Variants in LRRC7 observed in about 807,000 individuals in gnomAD.
The protein encoded by LRRC7 is leucine-rich repeat-containing protein 7.
A neutral mutation model predicts 175.7 loss-of-function variants in LRRC7; 23 were observed. The ratio of observed to expected loss-of-function variants is 0.13; its 90% CI spans 0.09 to 0.19. LRRC7 has a LOEUF of 0.19. Among genes scored for constraint, LRRC7 ranks in the 10% least tolerant of loss-of-function variants. The pLI, the probability that LRRC7 is intolerant of heterozygous loss-of-function variation, is 1.00. For missense variants in LRRC7, 1,354 were observed against 1,904.7 expected (o/e 0.71, Z 5.38); for synonymous variants, 685 against 680.9 (o/e 1.01, Z -0.09).
At chr1:69,586,749 A>G (rs1304143907) in intron 1 of LRRC7, among the ~76,000 whole-genome samples, 1 of 152,210 alleles carries the variant, frequency 6.6e-6, no homozygotes, top group Non-Finnish European at 1.5e-5. Context: ...ACCAAAGTTT[A>G]TTCTAGGCAT....
intron 5 of LRRC7, among the ~76,000 whole-genome samples, chr1:69,827,076 A>AG: frequency 6.6e-6 from 1 of 152,142 alleles, no homozygotes; most frequent in East Asian, 1.9e-4. Flanking sequence ...GTAAATAGGG[A>AG]GGGAAAAAAA....
chr1:70,029,713 T>G (rs1296324514), intron 18 of LRRC7, among the ~76,000 whole-genome samples: 1 of 152,160 alleles, frequency 6.6e-6, no homozygotes, highest in Non-Finnish European at 1.5e-5. Flanking sequence ...TATCCTGTAA[T>G]CACAGTTTAA....
At chr1:69,958,610 T>C (rs1016415389) in intron 8 of LRRC7, among the ~76,000 whole-genome samples, 1 of 151,996 alleles carries the variant, frequency 6.6e-6, no homozygotes, top group Non-Finnish European at 1.5e-5. Flanking sequence ...AGTCCAGATC[T>C]AGAGTTCCTG....
At chr1:69,899,746 T>G (rs951925717) in intron 7 of LRRC7, among the ~76,000 whole-genome samples, 1 of 152,226 alleles carries the variant, frequency 6.6e-6, no homozygotes, top group African/African-American at 2.4e-5. Flanking sequence ...CTGTAAGGAC[T>G]GCTCCCTCCT....
In LRRC7 at chr1:70,082,781, A is replaced by ATCTTTTTTTTTTTTTTTT. The variant is rs1553201466; in HGVS notation, c.4452+6484_4452+6485insCTTTTTTTTTTTTTTTTT. Among the ~76,000 whole-genome samples, 455 of 52,302 alleles carry ATCTTTTTTTTTTTTTTTT rather than the reference A, an allele frequency of 8.7e-3. 183 individuals carry two copies. The highest frequency in any genetic ancestry group is 0.014 in the East Asian group (20 of 1,408). The allele number at this position is 52,302 out of a possible 152,430, so 34.3% of individuals were successfully genotyped here. A position where few individuals can be genotyped will look rare whatever the true frequency, so the allele number is the denominator to read the frequency against. On this transcript the variant is annotated intron_variant, in intron 24 of 26. Coordinates refer to ENST00000651989, the MANE Select transcript of LRRC7 (RefSeq NM_001370785.2). Reference sequence around the variant, plus strand: ...TATTAGTCAATCTTGATACCAGTACATTTTTTTTTTTTTTTTTTTTTTTTT... The same window carrying ATCTTTTTTTTTTTTTTTT: ...TATTAGTCAATCTTGATACCAGTACATCTTTTTTTTTTTTTTTTTTTTTTTTTTTTTTTTTTTTTTTTT...
chr1:69,924,230 G>A (rs1244071619), intron 7 of LRRC7, among the ~76,000 whole-genome samples: 1 of 152,118 alleles, frequency 6.6e-6, no homozygotes, highest in Non-Finnish European at 1.5e-5. Flanking sequence ...TTGAAGTCAG[G>A]TAGCATGATG....
intron 1 of LRRC7, 54 bp downstream of exon 1, chr1:69,568,695 G>C: frequency 7.8e-7 from 1 of 1,288,060 alleles, no homozygotes; most frequent in African/African-American, 1.6e-5. Context: ...GCCCGGCCGC[G>C]GCGACCGTAG....
intron 3 of LRRC7, among the ~76,000 whole-genome samples, chr1:69,780,394 C>T (rs1673349861): frequency 6.6e-6 from 1 of 152,034 alleles, no homozygotes; most frequent in Admixed American, 6.6e-5. Context: ...CTTTGTTATT[C>T]ATCTTTGAAT....
rs1441555163 is a variant in LRRC7, at chr1:69,781,700, AAAG to A, written c.304-10340_304-10338del. On this transcript the variant is annotated intron_variant, in intron 3 of 26. Coordinates refer to ENST00000651989, the MANE Select transcript of LRRC7 (RefSeq NM_001370785.2). ...GTCTCAAAAAAAAGAAGAAAGAAAG[AAAG>A]AAAGAAAGAAAGAAAGAAAGAAAGA... 1.8e-3 allele frequency among the ~76,000 whole-genome samples: 42 copies of A among 23,684 alleles called. 1 individual carries two copies. The highest frequency in any genetic ancestry group is 3.0e-3 in the South Asian group (2 of 660). The allele number at this position is 23,684 out of a possible 152,430, so 15.5% of individuals were successfully genotyped here.
At chr1:69,680,148 A>T (rs1660293061) in intron 2 of LRRC7, among the ~76,000 whole-genome samples, 1 of 152,100 alleles carries the variant, frequency 6.6e-6, no homozygotes, top group African/African-American at 2.4e-5. Flanking sequence ...GAACTTGTTA[A>T]AAATGCAAAT....
chr1:70,021,232 A>C lies in LRRC7; in HGVS notation c.1545+103A>C, dbSNP rs116298337. ...TGGGACAAAGTCAGATACTTCTTCA[A>C]GTCTCATGGCGGTACCTTTCATTAC... On this transcript the variant is annotated intron_variant, in intron 16 of 26. Coordinates refer to ENST00000651989, the MANE Select transcript of LRRC7 (RefSeq NM_001370785.2). The C allele has an allele frequency of 1.8e-3, 1,977 of 1,125,690 alleles. 18 individuals are homozygous for C. In the African/African-American group the frequency reaches 0.024, roughly 14 times the overall value. 69.7% of individuals were successfully genotyped at this position (1,125,690 alleles called of 1,614,324 possible). A position where few individuals can be genotyped will look rare whatever the true frequency, so the allele number is the denominator to read the frequency against.
chr1:69,652,164 C>T (rs1384089427), intron 1 of LRRC7, among the ~76,000 whole-genome samples: 7 of 151,962 alleles, frequency 4.6e-5, no homozygotes, highest in African/African-American at 1.7e-4. Flanking sequence ...AACAATTAGG[C>T]AAGAAAAAGA....
At chr1:69,887,690 C>T (rs12753653) in intron 7 of LRRC7, among the ~76,000 whole-genome samples, 61,290 of 149,020 alleles carry the variant, frequency 0.41, 13,084 homozygotes, top group East Asian at 0.53. Flanking sequence ...GGAGGAGAGG[C>T]ACTCTGTGTT....
intron 9 of LRRC7, among the ~76,000 whole-genome samples, chr1:69,982,871 A>G (rs1371000303): frequency 6.6e-6 from 1 of 152,198 alleles, no homozygotes; most frequent in African/African-American, 2.4e-5. Flanking sequence ...TTATGCCTTT[A>G]CAGTCCTCAG....
chr1:70,080,544 C>T (rs1332155094), intron 24 of LRRC7, among the ~76,000 whole-genome samples: 1 of 152,102 alleles, frequency 6.6e-6, no homozygotes, highest in Non-Finnish European at 1.5e-5. Context: ...CTTATTTTCA[C>T]GTTTATTTTT....
intron 5 of LRRC7, among the ~76,000 whole-genome samples, chr1:69,827,446 A>G (rs1338879632): frequency 1.3e-5 from 2 of 152,230 alleles, no homozygotes; most frequent in African/African-American, 2.4e-5. Context: ...AAAATGCATA[A>G]CACTGTAAAC....
intron 1 of LRRC7, among the ~76,000 whole-genome samples, chr1:69,581,364 G>C (rs564593111): frequency 1.5e-4 from 23 of 152,298 alleles, no homozygotes; most frequent in African/African-American, 5.3e-4. Flanking sequence ...GAAATGGAAA[G>C]AGATAGATGA....
At chr1:69,823,728 T>C (rs1679571151) in intron 4 of LRRC7, among the ~76,000 whole-genome samples, 1 of 152,160 alleles carries the variant, frequency 6.6e-6, no homozygotes, top group South Asian at 2.1e-4. Flanking sequence ...TTGACTTACA[T>C]CCTCTGATTC....
intron 8 of LRRC7, among the ~76,000 whole-genome samples, chr1:69,942,717 T>G (rs944237317): frequency 1.3e-5 from 2 of 152,084 alleles, no homozygotes; most frequent in African/African-American, 4.8e-5. Flanking sequence ...GTAATTACAC[T>G]GGGCCCCCTC....
Sources: allele counts gnomAD v4.1 joint callset (sites outside exome capture counted in the v4.1 genomes callset), GRCh38; gene constraint gnomAD v4.1.1; transcripts MANE v1.5; gene names NCBI Gene and HGNC (gene_info 2026-07-23, HGNC 2026-07-21).